The following EMILIN2 variants were observed in gnomAD, a reference collection of about 807,000 sequenced individuals.
The protein encoded by EMILIN2 is EMILIN-2.
Under a neutral mutation model 87.1 loss-of-function variants are expected in EMILIN2, and 71 were observed. The observed-to-expected ratio is 0.82, with a 90% confidence interval of 0.67 to 0.99. The LOEUF is 0.99. Among genes scored for constraint, EMILIN2 ranks in the 50% least tolerant of loss-of-function variants. The pLI is 0.00. For missense variants in EMILIN2, 1,407 were observed against 1,371.8 expected (o/e 1.03, Z -0.40); for synonymous variants, 581 against 563.4 (o/e 1.03, Z -0.44).
At chr18:2,900,302 G>A (rs558246184) in intron 4 of EMILIN2, among the ~76,000 whole-genome samples, 80 of 152,130 alleles carry the variant, frequency 5.3e-4, no homozygotes, top group African/African-American at 1.9e-3. Flanking sequence ...ATCCTCCTGC[G>A]TCAGCCTCCT....
chr18:2,863,446 C>T (rs1388112411), intron 2 of EMILIN2, among the ~76,000 whole-genome samples: 1 of 152,200 alleles, frequency 6.6e-6, no homozygotes, highest in East Asian at 1.9e-4. Context: ...TTTCACAGAA[C>T]ATCTTTATTT....
chr18:2,876,274 C>T (rs2076747432), intron 2 of EMILIN2, among the ~76,000 whole-genome samples: 1 of 151,758 alleles, frequency 6.6e-6, no homozygotes, highest in African/African-American at 2.4e-5. Flanking sequence ...AGCCAACGCG[C>T]CCGGCCAGGG....
chr18:2,890,995 T>C lies in EMILIN2; in HGVS notation c.868T>C (p.Tyr290His), dbSNP rs762921969. 3 of 1,614,112 alleles carry C rather than the reference T, an allele frequency of 1.9e-6. No individual in the cohort carries two copies. Among genetic ancestry groups the C allele is most frequent in the Non-Finnish European group, 2.5e-6 (3 of 1,180,022 alleles). Residue 290 changes from tyrosine (Y) to histidine (H), a missense_variant, in exon 4 of 8, where the codon TAC becomes CAC. By Grantham distance (83) the Tyr-to-His change is moderately conservative. Coordinates refer to ENST00000254528, the MANE Select transcript of EMILIN2 (RefSeq NM_032048.3). This position sits in a 1 kb window ranked among gnomAD's most constrained non-coding sequence, Gnocchi z 4.7. ...LEELDGKVKG[Y>H]EGQLRQLQEA... ...AGAGCTGGATGGAAAAGTGAAGGGC[T>C]ACGAAGGGCAGCTCAGACAGCTCCA...
chr18:2,913,137 C>T lies in EMILIN2; in HGVS notation c.2895C>T (p.Tyr965=), dbSNP rs544885950. 35 of 1,613,896 alleles carry T rather than the reference C, an allele frequency of 2.2e-5. No homozygotes were observed. In the Middle Eastern group the frequency reaches 4.9e-4, roughly 23 times the overall value. Residue 965 remains tyrosine, a synonymous_variant, in exon 8 of 8, where the codon TAC becomes TAT. Transcript: ENST00000254528. ...CCCTCACCCCCGAGAGAGACGCCTA[C>T]GTGGAAGCAGTGCTGTCGGTCTCCA... ...TATLTPERDA[Y]VEAVLSVSNA...
chr18:2,907,169 C>T lies in EMILIN2; in HGVS notation c.2662+84C>T, dbSNP rs972665471. 60 of 1,204,788 alleles carry T rather than the reference C, an allele frequency of 5.0e-5. No individual in the cohort carries two copies. In the African/African-American group the frequency reaches 8.3e-4, roughly 17 times the overall value. The allele number at this position is 1,204,788 out of a possible 1,614,324, so 74.6% of individuals were successfully genotyped here. ...CCTCGGGGTCTGCTGAGGGGCGTGGCGGTTCGGGGTCCAGCCTTCGGGGGG... is the reference window on the plus strand; with the variant it reads ...CCTCGGGGTCTGCTGAGGGGCGTGGTGGTTCGGGGTCCAGCCTTCGGGGGG... On this transcript the variant is annotated intron_variant, in intron 5 of 7. Coordinates refer to ENST00000254528, the MANE Select transcript of EMILIN2 (RefSeq NM_032048.3).
Position 2,858,605 on chromosome 18 carries a change from G to GTGTATATA in EMILIN2, c.257+10675_257+10676insGTATATAT, listed in dbSNP as rs1555665480. ...TGTGTATATATATATATATATATGT[G>GTGTATATA]TATATATATATATGTTCCACAGTTT... On this transcript the variant is annotated intron_variant, in intron 2 of 7. Coordinates refer to ENST00000254528, the MANE Select transcript of EMILIN2 (RefSeq NM_032048.3). Among the ~76,000 whole-genome samples, 33 of 86,164 alleles carry GTGTATATA rather than the reference G, an allele frequency of 3.8e-4. 5 individuals carry two copies. The highest frequency in any genetic ancestry group is 2.3e-3 in the African/African-American group (31 of 13,748). 56.5% of individuals were successfully genotyped at this position (86,164 alleles called of 152,430 possible). A position where few individuals can be genotyped will look rare whatever the true frequency, so the allele number is the denominator to read the frequency against.
chr18:2,901,397 C>T (rs1045594274), intron 4 of EMILIN2, among the ~76,000 whole-genome samples: 3 of 152,240 alleles, frequency 2.0e-5, no homozygotes, highest in Non-Finnish European at 4.4e-5. Context: ...GTTTTTAGCA[C>T]ATCAGCCCCA....
chr18:2,892,906 G>T lies in EMILIN2; in HGVS notation c.2359+420G>T, dbSNP rs536022927. Among the ~76,000 whole-genome samples the T allele has an allele frequency of 8.6e-5, 13 of 150,402 alleles. No homozygotes were observed. In the South Asian group the frequency reaches 1.1e-3, roughly 12 times the overall value. ...GTCCCTACTAAAAATACAAAAATTA[G>T]CTGGGTGTGGTGGCACGCGCCTGTA... On this transcript the variant is annotated intron_variant, in intron 4 of 7. Coordinates refer to ENST00000254528, the MANE Select transcript of EMILIN2 (RefSeq NM_032048.3).
At chr18:2,853,910 G>A (rs1568450580) in intron 2 of EMILIN2, among the ~76,000 whole-genome samples, 1 of 152,220 alleles carries the variant, frequency 6.6e-6, no homozygotes, top group East Asian at 1.9e-4. Context: ...GTAGAAAACA[G>A]CACCGTGTTT....
At chr18:2,898,353 G>T (rs1032651261) in intron 4 of EMILIN2, among the ~76,000 whole-genome samples, 1 of 152,298 alleles carries the variant, frequency 6.6e-6, no homozygotes, top group East Asian at 1.9e-4. Context: ...GGGGCAGCCC[G>T]CCCTCCCCAG....
At chr18:2,903,422 C>G (rs2144061704) in intron 4 of EMILIN2, among the ~76,000 whole-genome samples, 1 of 152,268 alleles carries the variant, frequency 6.6e-6, no homozygotes, top group East Asian at 1.9e-4. Flanking sequence ...GTTCCCTTCC[C>G]CATCCTTCTT....
chr18:2,873,065 A>G (rs2076728405), intron 2 of EMILIN2, among the ~76,000 whole-genome samples: 1 of 152,014 alleles, frequency 6.6e-6, no homozygotes, highest in Admixed American at 6.5e-5. Flanking sequence ...AAAAAAACAA[A>G]ACCAAAAACT....
At chr18:2,851,747 G>C (rs2076602738) in intron 2 of EMILIN2, among the ~76,000 whole-genome samples, 1 of 152,102 alleles carries the variant, frequency 6.6e-6, no homozygotes. Context: ...GAACAGAAGG[G>C]GTTTTTATAT....
At chr18:2,900,879 T>G (rs528857685) in intron 4 of EMILIN2, among the ~76,000 whole-genome samples, 1 of 152,278 alleles carries the variant, frequency 6.6e-6, no homozygotes, top group East Asian at 1.9e-4. Context: ...TAAAAAAAAG[T>G]CTGAAGTCTT....
chr18:2,888,982 A>G (rs1394015907), intron 3 of EMILIN2, among the ~76,000 whole-genome samples: 2 of 152,102 alleles, frequency 1.3e-5, no homozygotes, highest in Non-Finnish European at 2.9e-5. Context: ...AGTGTAATAT[A>G]TTAATGCATT....
At position 2,908,832 on chromosome 18, in the gene EMILIN2, G is replaced by A. The variant is rs1050981283; in HGVS notation, c.2663-111G>A. Reference sequence around the variant, plus strand: ...CCCTTGTTCTATGTCTGTTTCTATAGTAGTGAAGACTCGATTTGAACTTGT... The same window carrying A: ...CCCTTGTTCTATGTCTGTTTCTATAATAGTGAAGACTCGATTTGAACTTGT... On this transcript the variant is annotated intron_variant, in intron 5 of 7. Transcript: ENST00000254528. 1.0e-5 allele frequency: 13 copies of A among 1,256,048 alleles called. No individual in the cohort carries two copies. In the African/African-American group the frequency reaches 1.9e-4, roughly 19 times the overall value. 77.8% of individuals were successfully genotyped at this position (1,256,048 alleles called of 1,614,324 possible).
intron 7 of EMILIN2, among the ~76,000 whole-genome samples, chr18:2,912,175 A>C (rs990615683): frequency 6.6e-6 from 1 of 151,406 alleles, no homozygotes; most frequent in African/African-American, 2.4e-5. Flanking sequence ...AGTAGTTGCG[A>C]CTACAGGTGC....
chr18:2,881,798 A>C (rs112592105), intron 2 of EMILIN2, among the ~76,000 whole-genome samples: 60 of 152,374 alleles, frequency 3.9e-4, no homozygotes, highest in African/African-American at 1.4e-3. Flanking sequence ...TTGAGAACGC[A>C]AAACAATCCA....
rs1231259763 is a variant in EMILIN2 at position 2,908,982 on chromosome 18, C to T, written c.2695+7C>T. 5 of 1,613,288 alleles carry T rather than the reference C, an allele frequency of 3.1e-6. No individual in the cohort carries two copies. Among genetic ancestry groups the T allele is most frequent in the Non-Finnish European group, 2.5e-6 (3 of 1,180,022 alleles). On this transcript the variant is annotated splice_region_variant and intron_variant, in intron 6 of 7. Transcript: ENST00000254528. ...CCTCCTGTAGCTTCCCCAGGTATGT[C>T]TGCTGAGAGACCAGGAGCAGGAGGA...
Sources: allele counts gnomAD v4.1 joint callset (sites outside exome capture counted in the v4.1 genomes callset), GRCh38; gene constraint gnomAD v4.1.1; non-coding constraint Gnocchi (gnomAD v3.1); transcripts MANE v1.5; gene names NCBI Gene and HGNC (gene_info 2026-07-23, HGNC 2026-07-21).